The following ONECUT3 variants were observed in gnomAD, a reference collection of about 807,000 sequenced individuals.
The protein encoded by ONECUT3 is one cut domain family member 3.
Under a neutral mutation model 16.8 loss-of-function variants are expected in ONECUT3, and 11 were observed. That is an observed-to-expected ratio of 0.66 (90% CI 0.41 to 1.09). The LOEUF (loss-of-function observed/expected upper bound fraction) is 1.09, where lower values mean the gene tolerates loss of function less well. Among genes scored for constraint, ONECUT3 ranks in the 50% least tolerant of loss-of-function variants. ONECUT3 has a pLI of 0.00. For synonymous variants in ONECUT3, 344 were observed against 310.7 expected, an observed-to-expected ratio of 1.11 and a Z score of -1.13; for missense variants, 637 against 629.9, an observed-to-expected ratio of 1.01 and a Z score of -0.12.
rs964331169 is a variant in ONECUT3, at chr19:1,775,685, C to T, written c.*240C>T. The T allele has an allele frequency of 4.1e-5, 16 of 392,244 alleles. No homozygotes were observed. The highest frequency in any genetic ancestry group is 5.0e-5 in the Non-Finnish European group (11 of 220,890). The allele number at this position is 392,244 out of a possible 1,614,324, so 24.3% of individuals were successfully genotyped here. On this transcript the variant is annotated 3_prime_UTR_variant, in exon 2 of 2. Transcript: ENST00000382349. ...CCAGGCCAAAGGAAGCCCTCCACCC[C>T]CCCCCGGAGGGGAGGGAGTGACAGA...
chr19:1,780,854 G>A lies in ONECUT3; in HGVS notation c.*5409G>A, dbSNP rs1194895710. On this transcript the variant is annotated 3_prime_UTR_variant, in exon 2 of 2. Coordinates refer to ENST00000382349, the MANE Select transcript of ONECUT3 (RefSeq NM_001080488.2). ...CGGCCTTGAGTGTTTTGAATAGACT[G>A]GAACTGAGGGCTGCTTTCAGGGGAG... is the stretch of plus-strand genomic sequence containing the variant. 6.6e-6 allele frequency: 1 copy of A among 151,980 alleles called. No homozygotes were observed. Among genetic ancestry groups the A allele is most frequent in the East Asian group, 1.9e-4 (1 of 5,160 alleles). The allele number at this position is 151,980 out of a possible 1,614,324, so 9.4% of individuals were successfully genotyped here. A position where few individuals can be genotyped will look rare whatever the true frequency, so the allele number is the denominator to read the frequency against.
Position 1,764,565 on chromosome 19 carries a change from T to G in ONECUT3, c.1192+9711T>G, listed in dbSNP as rs1056735634. Among the ~76,000 whole-genome samples, 1 of 143,362 alleles carries G rather than the reference T, an allele frequency of 7.0e-6. No individual in the cohort carries two copies. Among genetic ancestry groups the G allele is most frequent in the African/African-American group, 2.6e-5 (1 of 37,788 alleles). The allele number at this position is 143,362 out of a possible 152,430, so 94.1% of individuals were successfully genotyped here. ...GAGTGGAGGGGTAGTGGGAACAGAG[T>G]GGGGCCAGATGAGGGGCTGGGGAGG... On this transcript the variant is annotated intron_variant, in intron 1 of 1. Coordinates refer to ENST00000382349, the MANE Select transcript of ONECUT3 (RefSeq NM_001080488.2). The surrounding 1 kb of genome is among the most constrained non-coding windows in gnomAD (Gnocchi z 5.0).
chr19:1,754,523 G>A lies in ONECUT3; in HGVS notation c.861G>A (p.Leu287=). 1 of 980,146 alleles carries A rather than the reference G, an allele frequency of 1.0e-6. No individual in the cohort carries two copies. The highest frequency in any genetic ancestry group is 1.2e-6 in the Non-Finnish European group (1 of 827,950). The allele number at this position is 980,146 out of a possible 1,614,324, so 60.7% of individuals were successfully genotyped here. The change falls in exon 1 of 2, where the codon CTG becomes CTA. Residue 287 remains leucine, a synonymous_variant. Transcript: ENST00000382349. The surrounding 1 kb of genome is among the most constrained non-coding windows in gnomAD (Gnocchi z 7.4). Reference sequence around the variant, plus strand: ...GCGCCGCGGGGCTGCTGGCGCCGCTGGGCGGGCTGGCGGCGGCCGGGGCGC... The same window carrying A: ...GCGCCGCGGGGCTGCTGGCGCCGCTAGGCGGGCTGGCGGCGGCCGGGGCGC... ...SGSAAGLLAP[L]GGLAAAGAHG...
intron 1 of ONECUT3, among the ~76,000 whole-genome samples, chr19:1,760,841 G>C (rs909313733): frequency 1.1e-4 from 17 of 152,168 alleles, no homozygotes; most frequent in African/African-American, 3.9e-4. Context: ...GGAGTCTCTT[G>C]AGTGGTGAGG....
chr19:1,771,210 C>T (rs2068051463), intron 1 of ONECUT3, among the ~76,000 whole-genome samples: 1 of 152,144 alleles, frequency 6.6e-6, no homozygotes. Flanking sequence ...TACCCTGGGT[C>T]CTTTTGTCTA....
chr19:1,753,611 G>T lies in ONECUT3; in HGVS notation c.-52G>T. 1 of 707,856 alleles carries T rather than the reference G, an allele frequency of 1.4e-6. No homozygotes were observed. Among genetic ancestry groups the T allele is most frequent in the South Asian group, 6.2e-5 (1 of 16,074 alleles). 43.8% of individuals were successfully genotyped at this position (707,856 alleles called of 1,614,324 possible). A position where few individuals can be genotyped will look rare whatever the true frequency, so the allele number is the denominator to read the frequency against. The stretch of plus-strand genomic sequence containing the variant: ...CGGGCGGGAGTCATGCAGCGGCCTT[G>T]AGCACTAGGGGCCGGCGCTGAGGAG... On this transcript the variant is annotated 5_prime_UTR_variant, in exon 1 of 2. It removes the in-frame stop codon of an upstream open reading frame in the 5' UTR. Coordinates refer to ENST00000382349, the MANE Select transcript of ONECUT3 (RefSeq NM_001080488.2).
intron 1 of ONECUT3, 27 bp from the exon 2 acceptor site, chr19:1,775,126 G>GGGGCCCCCCCCCC: frequency 2.6e-6 from 3 of 1,143,896 alleles, no homozygotes; most frequent in Non-Finnish European, 3.6e-6. Flanking sequence ...TGTCCCGCTC[G>GGGGCCCCCCCCCC]CCCGCCCGCC....
rs546387266 is a variant in ONECUT3, at chr19:1,762,427, G to T, written c.1192+7573G>T. 8.5e-5 allele frequency among the ~76,000 whole-genome samples: 13 copies of T among 152,336 alleles called. No homozygotes were observed. In the East Asian group the frequency reaches 1.9e-3, roughly 23 times the overall value. On this transcript the variant is annotated intron_variant, in intron 1 of 1. Coordinates refer to ENST00000382349, the MANE Select transcript of ONECUT3 (RefSeq NM_001080488.2). This position sits in a 1 kb window ranked among gnomAD's most constrained non-coding sequence, Gnocchi z 4.4. ...AGCAGGGGTCCACGCATTTCCAAGC[G>T]CCCTTTCCCGTCCAAGGACCTGCTG...
In ONECUT3 at chr19:1,758,540, C is replaced by T. The variant is rs2067929945; in HGVS notation, c.1192+3686C>T. Among the ~76,000 whole-genome samples the T allele has an allele frequency of 2.0e-5, 3 of 152,276 alleles. No individual in the cohort carries two copies. The highest frequency in any genetic ancestry group is 4.1e-4 in the South Asian group (2 of 4,826). ...GCCCGTTCTGCGTGCCTCAGTTTAC[C>T]CATCTGTAAAATGTGCGTGTGGTGG... On this transcript the variant is annotated intron_variant, in intron 1 of 1. Transcript: ENST00000382349. The surrounding 1 kb of genome is among the most constrained non-coding windows in gnomAD (Gnocchi z 5.9).
chr19:1,754,136 G>T lies in ONECUT3; in HGVS notation c.474G>T (p.Gln158His). 9.8e-7 allele frequency: 1 copy of T among 1,025,072 alleles called. No homozygotes were observed. Among genetic ancestry groups the T allele is most frequent in the Non-Finnish European group, 1.2e-6 (1 of 858,172 alleles). The allele number at this position is 1,025,072 out of a possible 1,614,324, so 63.5% of individuals were successfully genotyped here. Residue 158 changes from glutamine to histidine, a missense_variant, in exon 1 of 2, where the codon CAG becomes CAT. Gln to His is a conservative substitution (Grantham distance 24). Coordinates refer to ENST00000382349, the MANE Select transcript of ONECUT3 (RefSeq NM_001080488.2). The surrounding 1 kb of genome is among the most constrained non-coding windows in gnomAD (Gnocchi z 7.4). ...AAAPPPPPPP[Q>H]RLAASVSGSF... Reference sequence around the variant, plus strand: ...CGCCGCCCCCGCCACCCCCGCCGCAGCGTCTGGCGGCCAGCGTGAGCGGCA... The same window carrying T: ...CGCCGCCCCCGCCACCCCCGCCGCATCGTCTGGCGGCCAGCGTGAGCGGCA...
chr19:1,774,589 C>T (rs930000977), intron 1 of ONECUT3, among the ~76,000 whole-genome samples: 7 of 152,154 alleles, frequency 4.6e-5, no homozygotes, highest in Admixed American at 4.6e-4. Context: ...ATTTCCCCAA[C>T]ACCCCCAGGT....
intron 1 of ONECUT3, among the ~76,000 whole-genome samples, chr19:1,774,704 G>C (rs1223571335): frequency 6.6e-6 from 1 of 150,998 alleles, no homozygotes; most frequent in Non-Finnish European, 1.5e-5. Context: ...TATGAGGCTT[G>C]GGGGGTGCCT....
chr19:1,774,425 A>G (rs556261934), intron 1 of ONECUT3, among the ~76,000 whole-genome samples: 1 of 152,036 alleles, frequency 6.6e-6, no homozygotes, highest in Admixed American at 6.5e-5. Context: ...CGCAAAAAAA[A>G]AAAAGAAAAG....
intron 1 of ONECUT3, among the ~76,000 whole-genome samples, chr19:1,760,503 A>C: frequency 6.7e-6 from 1 of 149,722 alleles, no homozygotes; most frequent in Non-Finnish European, 1.5e-5. Flanking sequence ...GGCCAGTTCC[A>C]CCTCCCCACC....
chr19:1,771,443 C>T (rs1179883923), intron 1 of ONECUT3, among the ~76,000 whole-genome samples: 2 of 152,152 alleles, frequency 1.3e-5, no homozygotes, highest in East Asian at 1.9e-4. Flanking sequence ...CATGTTTGGT[C>T]TTTTGTTATT....
At chr19:1,756,683 C>T (rs1290357264) in intron 1 of ONECUT3, among the ~76,000 whole-genome samples, 1 of 150,026 alleles carries the variant, frequency 6.7e-6, no homozygotes, top group Non-Finnish European at 1.5e-5. Context: ...ACGCCCGCCA[C>T]CACGCCTGGC....
In ONECUT3 at chr19:1,767,915, G is replaced by A. The variant is rs185692186; in HGVS notation, c.1193-7238G>A. ...TCTGATCTCCTCCCAGGGCCCCGGG[G>A]ACCCCCAGGAACCAGCCCCAGATCC... On this transcript the variant is annotated intron_variant, in intron 1 of 1. Transcript: ENST00000382349. Among the ~76,000 whole-genome samples the A allele has an allele frequency of 2.7e-3, 414 of 152,238 alleles. 2 individuals are homozygous for A. Among genetic ancestry groups the A allele is most frequent in the African/African-American group, 9.5e-3 (396 of 41,526 alleles).
chr19:1,765,491 C>T (rs572565196), intron 1 of ONECUT3, among the ~76,000 whole-genome samples: 9 of 152,318 alleles, frequency 5.9e-5, no homozygotes, highest in African/African-American at 2.2e-4. Context: ...CAGAGCGGAG[C>T]TGGCCTCCTC....
Position 1,754,950 on chromosome 19 carries a change from C to T in ONECUT3, c.1192+96C>T, listed in dbSNP as rs1018770857. ...GCGGCCGATGCCCGGGGCCAGCGCCCCAAGCCCCGCCCGTGCGCCCCGGCA... is the reference window on the plus strand; with the variant it reads ...GCGGCCGATGCCCGGGGCCAGCGCCTCAAGCCCCGCCCGTGCGCCCCGGCA... On this transcript the variant is annotated intron_variant, in intron 1 of 1. Transcript: ENST00000382349. This position sits in a 1 kb window ranked among gnomAD's most constrained non-coding sequence, Gnocchi z 7.4. 1.3e-5 allele frequency: 16 copies of T among 1,267,926 alleles called. No individual in the cohort carries two copies. In the African/African-American group the frequency reaches 2.0e-4, roughly 16 times the overall value. The allele number at this position is 1,267,926 out of a possible 1,614,324, so 78.5% of individuals were successfully genotyped here. A position where few individuals can be genotyped will look rare whatever the true frequency, so the allele number is the denominator to read the frequency against.
Sources: gnomAD v4.1 joint callset for allele counts (sites outside exome capture counted in the v4.1 genomes callset) on GRCh38, gnomAD v4.1.1 for gene constraint, Gnocchi (gnomAD v3.1) non-coding constraint, MANE v1.5 for transcripts, NCBI Gene and HGNC (gene_info 2026-07-23, HGNC 2026-07-21) for gene names.